STK10: variants seen among roughly 807,000 people sequenced by gnomAD.
STK10 encodes serine/threonine kinase 10, also known as serine/threonine-protein kinase 10.
Under a neutral mutation model 113.8 loss-of-function variants are expected in STK10, and 78 were observed. The ratio of observed to expected loss-of-function variants is 0.69; its 90% CI spans 0.57 to 0.83. The LOEUF (loss-of-function observed/expected upper bound fraction) is 0.83. Ranked by LOEUF, STK10 falls within the 40% of genes least tolerant of loss-of-function variation. STK10 has a pLI of 0.00. For missense variants in STK10, 1,109 were observed against 1,280.1 expected (o/e 0.87, Z 2.04); for synonymous variants, 465 against 494.7 (o/e 0.94, Z 0.80).
intron 4 of STK10, chr5:172,115,015 T>A (rs1259494313): frequency 1.3e-5 from 2 of 152,374 alleles, no homozygotes; most frequent in Non-Finnish European, 2.9e-5. Context: ...GCTGGGCCTG[T>A]GCGATTCTCA....
chr5:172,094,251 C>G (rs993659607), intron 8 of STK10, among the ~76,000 whole-genome samples: 1 of 152,188 alleles, frequency 6.6e-6, no homozygotes. Flanking sequence ...AGCTCATGGC[C>G]CACAGGGAGG....
intron 18 of STK10, among the ~76,000 whole-genome samples, chr5:172,047,874 C>A (rs978196556): frequency 6.6e-6 from 1 of 151,594 alleles, no homozygotes. Context: ...TACAAATAAC[C>A]ACACTGAGGT....
chr5:172,122,225 T>A (rs1316005299), intron 3 of STK10, among the ~76,000 whole-genome samples: 1 of 152,166 alleles, frequency 6.6e-6, no homozygotes, highest in African/African-American at 2.4e-5. Flanking sequence ...AAAAATTCAC[T>A]TTTTTAAGGT....
intron 1 of STK10, among the ~76,000 whole-genome samples, chr5:172,163,730 C>A (rs1227057975): frequency 6.6e-6 from 1 of 152,162 alleles, no homozygotes. Flanking sequence ...CAATTTTCTG[C>A]CTAGGAAAAT....
chr5:172,156,337 G>T (rs1770347565), intron 2 of STK10, among the ~76,000 whole-genome samples: 1 of 152,238 alleles, frequency 6.6e-6, no homozygotes, highest in Non-Finnish European at 1.5e-5. Flanking sequence ...AAGGCATGGA[G>T]AGGTTAGGAA....
chr5:172,105,531 T>C (rs749197295), intron 7 of STK10, 125 bp downstream of exon 7: 101 of 1,038,756 alleles, frequency 9.7e-5, no homozygotes, highest in Admixed American at 1.4e-4. Flanking sequence ...GAATACCCGC[T>C]GATGGACAAA....
At chr5:172,151,436 TC>T (rs777055097) in intron 2 of STK10, among the ~76,000 whole-genome samples, 7 of 151,766 alleles carry the variant, frequency 4.6e-5, no homozygotes, top group Non-Finnish European at 8.8e-5. Flanking sequence ...AACCTCCACC[TC>T]CCGGGTTCAA....
rs561400565 is a variant in STK10 at position 172,100,267 on chromosome 5, T to C, written c.871-3707A>G. Among the ~76,000 whole-genome samples the C allele has an allele frequency of 1.2e-3, 180 of 152,238 alleles. 1 individual carries two copies. The highest frequency in any genetic ancestry group is 1.9e-3 in the Non-Finnish European group (131 of 68,008). ...GGCACACGTGTCCCCAGTGGAAGGC[T>C]AGATCACAGAGGAACTTGACCTCCC... On this transcript the variant is annotated intron_variant, in intron 7 of 18. Coordinates refer to ENST00000176763, the MANE Select transcript of STK10 (RefSeq NM_005990.4).
chr5:172,087,545 G>A (rs1401067424), intron 10 of STK10, among the ~76,000 whole-genome samples: 1 of 151,628 alleles, frequency 6.6e-6, no homozygotes, highest in Admixed American at 6.6e-5. Context: ...AAAGTGCTGG[G>A]ATTACAGGTG....
chr5:172,100,157 G>A (rs1014118263), intron 7 of STK10, among the ~76,000 whole-genome samples: 13 of 152,310 alleles, frequency 8.5e-5, no homozygotes, highest in African/African-American at 2.9e-4. Flanking sequence ...TGCCGCCAGA[G>A]ATGTGTTTAG....
chr5:172,063,915 G>T (rs1767988901), intron 13 of STK10, among the ~76,000 whole-genome samples: 1 of 152,198 alleles, frequency 6.6e-6, no homozygotes, highest in Admixed American at 6.5e-5. Flanking sequence ...ACCCCCTCGT[G>T]GGGGAAAATA....
At chr5:172,167,212 T>C (rs1446752231) in intron 1 of STK10, among the ~76,000 whole-genome samples, 3 of 150,502 alleles carry the variant, frequency 2.0e-5, no homozygotes, top group African/African-American at 4.9e-5. Context: ...ACTAGGATCA[T>C]GTTCAGTTTA....
intron 12 of STK10, among the ~76,000 whole-genome samples, chr5:172,071,703 G>C (rs536013697): frequency 6.6e-6 from 1 of 152,004 alleles, no homozygotes; most frequent in South Asian, 2.1e-4. Context: ...ATCATGTAAG[G>C]CTCCCTTTAA....
Position 172,044,695 on chromosome 5 carries a change from G to T in STK10, c.*187C>A. 3.5e-6 allele frequency: 3 copies of T among 855,758 alleles called. No individual in the cohort carries two copies. Among genetic ancestry groups the T allele is most frequent in the Non-Finnish European group, 5.5e-6 (3 of 547,910 alleles). 53.0% of individuals were successfully genotyped at this position (855,758 alleles called of 1,614,324 possible). A position where few individuals can be genotyped will look rare whatever the true frequency, so the allele number is the denominator to read the frequency against. On this transcript the variant is annotated 3_prime_UTR_variant, in exon 19 of 19. Transcript: ENST00000176763. This position sits in a 1 kb window ranked among gnomAD's most constrained non-coding sequence, Gnocchi z 4.5. Reference sequence around the variant, plus strand: ...AATAATTACACCTCACCCTCCACAGGCCAGCAAGAAGTCAGGAACGCTGGG... The same window carrying T: ...AATAATTACACCTCACCCTCCACAGTCCAGCAAGAAGTCAGGAACGCTGGG...
intron 1 of STK10, among the ~76,000 whole-genome samples, chr5:172,173,761 A>G (rs1770703992): frequency 6.6e-6 from 1 of 152,248 alleles, no homozygotes; most frequent in Non-Finnish European, 1.5e-5. Context: ...GCCTCTGTCA[A>G]GCCCCAGGAA....
chr5:172,100,132 C>T (rs1339011568), intron 7 of STK10, among the ~76,000 whole-genome samples: 7 of 152,200 alleles, frequency 4.6e-5, no homozygotes, highest in Non-Finnish European at 8.8e-5. Context: ...ACCTCCACCA[C>T]GGCATCAGCT....
intron 1 of STK10, among the ~76,000 whole-genome samples, chr5:172,181,701 C>G (rs1168391910): frequency 1.4e-5 from 2 of 147,230 alleles, no homozygotes; most frequent in South Asian, 2.2e-4. Context: ...CCAGGCTGGT[C>G]TCGAACTCCT....
At chr5:172,163,824 T>G (rs1167093144) in intron 1 of STK10, among the ~76,000 whole-genome samples, 1 of 152,140 alleles carries the variant, frequency 6.6e-6, no homozygotes, top group Non-Finnish European at 1.5e-5. Context: ...TGCCCTCATT[T>G]CCAGTCCCTA....
In STK10 at chr5:172,112,412, C is replaced by T. The variant is rs867259293; in HGVS notation, c.521-4560G>A. 3.6e-3 allele frequency among the ~76,000 whole-genome samples: 512 copies of T among 141,444 alleles called. 6 individuals are homozygous for T. The highest frequency in any genetic ancestry group is 0.013 in the African/African-American group (493 of 39,166). The allele number at this position is 141,444 out of a possible 152,430, so 92.8% of individuals were successfully genotyped here. Reference sequence around the variant, plus strand: ...GGTGGGGGCAGTGCACAGAAGGGACCTTACTTTTTTTTTTTTTTTTTTTTT... The same window carrying T: ...GGTGGGGGCAGTGCACAGAAGGGACTTTACTTTTTTTTTTTTTTTTTTTTT... On this transcript the variant is annotated intron_variant, in intron 4 of 18. Transcript: ENST00000176763.
Sources: allele counts gnomAD v4.1 joint callset (sites outside exome capture counted in the v4.1 genomes callset), GRCh38; gene constraint gnomAD v4.1.1; non-coding constraint Gnocchi (gnomAD v3.1); transcripts MANE v1.5; gene names NCBI Gene and HGNC (gene_info 2026-07-23, HGNC 2026-07-21).